OSBPL8: variants seen among roughly 807,000 people sequenced by gnomAD.
OSBPL8 encodes the protein oxysterol binding protein like 8.
Under a neutral mutation model 125.5 loss-of-function variants are expected in OSBPL8, and 59 were observed. That is an observed-to-expected ratio of 0.47 (90% confidence interval 0.38 to 0.58). OSBPL8 has a LOEUF of 0.58. Ranked by LOEUF, OSBPL8 falls within the 20% of genes least tolerant of loss-of-function variation. The pLI is 0.00. For missense variants in OSBPL8, 758 were observed against 1,047.8 expected (o/e 0.72, Z 3.82); for synonymous variants, 330 against 338.9 (o/e 0.97, Z 0.29).
chr12:76,452,946 G>A (rs1280545181), intron 3 of OSBPL8, among the ~76,000 whole-genome samples: 1 of 151,060 alleles, frequency 6.6e-6, no homozygotes, highest in African/African-American at 2.4e-5. Context: ...AAGCCCTTTG[G>A]TTTCTTCATG....
At chr12:76,448,979 C>T (rs1873056458) in intron 4 of OSBPL8, among the ~76,000 whole-genome samples, 1 of 152,150 alleles carries the variant, frequency 6.6e-6, no homozygotes, top group Admixed American at 6.6e-5. Flanking sequence ...CGCCACTGCA[C>T]TCTAGCCTGG....
Position 76,540,848 on chromosome 12 carries a change from C to G in OSBPL8, c.-68+18549G>C, listed in dbSNP as rs1025149497. 2.0e-5 allele frequency among the ~76,000 whole-genome samples: 3 copies of G among 152,014 alleles called. No individual in the cohort carries two copies. The East Asian group carries it at 5.8e-4, about 29-fold the overall frequency. On this transcript the variant is annotated intron_variant, in intron 1 of 23. Transcript: ENST00000261183. Reference sequence around the variant, plus strand: ...ACTTTTCACATCAAATGTGGTCTTCCCTTAAGAAGAGCAAAACCTTAACAT... The same window carrying G: ...ACTTTTCACATCAAATGTGGTCTTCGCTTAAGAAGAGCAAAACCTTAACAT...
chr12:76,496,499 T>C (rs1008193741), intron 1 of OSBPL8, among the ~76,000 whole-genome samples: 3 of 151,908 alleles, frequency 2.0e-5, no homozygotes, highest in Admixed American at 1.3e-4. Flanking sequence ...GCCTCCTGAA[T>C]AGCTGAGACC....
At chr12:76,550,492 G>A (rs1308254807) in intron 1 of OSBPL8, among the ~76,000 whole-genome samples, 2 of 152,002 alleles carry the variant, frequency 1.3e-5, no homozygotes, top group African/African-American at 4.8e-5. Context: ...TTAGGCCAGG[G>A]GTGTCCAATC....
At chr12:76,433,246 G>A (rs1047308512) in intron 4 of OSBPL8, among the ~76,000 whole-genome samples, 1 of 151,972 alleles carries the variant, frequency 6.6e-6, no homozygotes, top group African/African-American at 2.4e-5. Flanking sequence ...GAAAGAAAAA[G>A]AAATAAAAGG....
rs1176542381 is a variant in OSBPL8 at position 76,358,289 on chromosome 12, CGT to C, written c.2434+415_2434+416del. ...CCATCTCCGGGGTTCAAGCAATTCT[CGT>C]GTCTCAGCCTCCCAAGTAGCTGGGA... On this transcript the variant is annotated intron_variant, in intron 22 of 23. Coordinates refer to ENST00000261183, the MANE Select transcript of OSBPL8 (RefSeq NM_020841.5). Among the ~76,000 whole-genome samples the C allele has an allele frequency of 1.1e-4, 16 of 148,144 alleles. No homozygotes were observed. The Admixed American group carries it at 1.1e-3, about 10-fold the overall frequency.
chr12:76,497,744 AC>A (rs1303100585), intron 1 of OSBPL8, among the ~76,000 whole-genome samples: 4 of 152,144 alleles, frequency 2.6e-5, no homozygotes, highest in African/African-American at 9.7e-5. Flanking sequence ...TTTTTACTGT[AC>A]CTTTGTAACA....
intron 3 of OSBPL8, among the ~76,000 whole-genome samples, chr12:76,451,971 T>C (rs1873468920): frequency 6.6e-6 from 1 of 151,912 alleles, no homozygotes; most frequent in African/African-American, 2.4e-5. Flanking sequence ...ATACAAAAAT[T>C]AGGCAGACGT....
At chr12:76,448,717 A>G (rs1873010409) in intron 4 of OSBPL8, among the ~76,000 whole-genome samples, 1 of 152,200 alleles carries the variant, frequency 6.6e-6, no homozygotes, top group Non-Finnish European at 1.5e-5. Context: ...AACATTTTCT[A>G]TTGAAATAAA....
At chr12:76,539,695 T>A (rs74105511) in intron 1 of OSBPL8, among the ~76,000 whole-genome samples, 54 of 152,302 alleles carry the variant, frequency 3.5e-4, no homozygotes, top group Middle Eastern at 3.4e-3. Flanking sequence ...AATCTCACGA[T>A]AAAAAGCCGA....
At chr12:76,440,712 T>C (rs1872086790) in intron 4 of OSBPL8, among the ~76,000 whole-genome samples, 1 of 152,180 alleles carries the variant, frequency 6.6e-6, no homozygotes, top group Non-Finnish European at 1.5e-5. Context: ...TCCAGTTCAT[T>C]AACTAAGTAC....
intron 4 of OSBPL8, among the ~76,000 whole-genome samples, chr12:76,445,933 T>C (rs774947105): frequency 9.9e-5 from 15 of 152,134 alleles, no homozygotes; most frequent in Non-Finnish European, 1.5e-4. Flanking sequence ...TTTGAAAAAT[T>C]TGAACCTCCA....
chr12:76,356,702 T>C lies in OSBPL8; in HGVS notation c.2461A>G (p.Arg821Gly). 1 of 1,609,246 alleles carries C rather than the reference T, an allele frequency of 6.2e-7. No homozygotes were observed. The highest frequency in any genetic ancestry group is 8.5e-7 in the Non-Finnish European group (1 of 1,177,416). ...EAQSVKPSTR[R>G]KKGIELGDIQ... Reference sequence around the variant, plus strand: ...TCTCCCAGTTCTATTCCTTTCTTTCTTCTTGTACTTGGTTTTACTGATTGA... The same window carrying C: ...TCTCCCAGTTCTATTCCTTTCTTTCCTCTTGTACTTGGTTTTACTGATTGA... The change falls in exon 23 of 24, where the codon AGA (arginine) becomes GGA (glycine). Residue 821 changes from arginine to glycine, a missense_variant. By Grantham distance (125) the Arg-to-Gly change is moderately radical (BLOSUM62 -2). Around this residue, in one of 3 missense-constraint regions of OSBPL8, gnomAD observed 572 missense variants for 762.0 expected, o/e 0.75. Transcript: ENST00000261183.
At chr12:76,445,304 C>T (rs756330496) in intron 4 of OSBPL8, among the ~76,000 whole-genome samples, 16 of 152,034 alleles carry the variant, frequency 1.1e-4, no homozygotes, top group Admixed American at 2.0e-4. Flanking sequence ...CAGAAAGTAT[C>T]CTTTGCAACT....
intron 8 of OSBPL8, 99 bp downstream of exon 8, chr12:76,397,595 A>G: frequency 8.6e-7 from 1 of 1,168,852 alleles, no homozygotes; most frequent in African/African-American, 1.5e-5. Flanking sequence ...CAGATTTATA[A>G]GTCCTGGCAG....
intron 2 of OSBPL8, among the ~76,000 whole-genome samples, chr12:76,469,585 C>A (rs547261107): frequency 1.3e-5 from 2 of 152,270 alleles, no homozygotes; most frequent in African/African-American, 4.8e-5. Context: ...ACACTCAGTT[C>A]TTATTTTTTG....
chr12:76,554,946 A>C (rs1261263663), intron 1 of OSBPL8, among the ~76,000 whole-genome samples: 1 of 152,190 alleles, frequency 6.6e-6, no homozygotes, highest in African/African-American at 2.4e-5. Context: ...TCCATGGATC[A>C]AAAACACTAC....
At chr12:76,553,976 CAA>C (rs11395533) in intron 1 of OSBPL8, among the ~76,000 whole-genome samples, 9 of 95,704 alleles carry the variant, frequency 9.4e-5, no homozygotes, top group Non-Finnish European at 1.6e-4. Context: ...GACTCTATCT[CAA>C]AAAAAAAAAA....
At chr12:76,398,776 A>G (rs760542281) in intron 7 of OSBPL8, among the ~76,000 whole-genome samples, 29 of 152,222 alleles carry the variant, frequency 1.9e-4, no homozygotes, top group Non-Finnish European at 3.5e-4. Context: ...AGAAACATTT[A>G]GAAAGAAGGA....
Sources: allele counts gnomAD v4.1 joint callset (sites outside exome capture counted in the v4.1 genomes callset), GRCh38; gene constraint gnomAD v4.1.1; regional missense constraint gnomAD v4.1.1; transcripts MANE v1.5; gene names NCBI Gene and HGNC (gene_info 2026-07-23, HGNC 2026-07-21).